Variants in CCDC180 observed in about 807,000 individuals in gnomAD.
The protein encoded by CCDC180 is coiled-coil domain-containing protein 180.
In CCDC180, 154 loss-of-function variants were observed where a neutral mutation model predicts 209.2. That is an observed-to-expected ratio of 0.74 (90% CI 0.65 to 0.84). CCDC180 has a LOEUF of 0.84. Ranked by LOEUF, CCDC180 falls within the 40% of genes least tolerant of loss-of-function variation. The pLI is 0.00. For synonymous variants in CCDC180, 778 were observed against 749.1 expected (o/e 1.04, Z -0.63); for missense variants, 1,874 against 1,997.3 (o/e 0.94, Z 1.18).
intron 18 of CCDC180, among the ~76,000 whole-genome samples, chr9:97,336,002 T>C (rs981280781): frequency 2.6e-5 from 4 of 152,258 alleles, no homozygotes; most frequent in African/African-American, 9.6e-5. Context: ...GTTCATATCC[T>C]TTGCCCACTT....
intron 2 of CCDC180, 102 bp from the exon 3 acceptor site, chr9:97,309,312 C>A: frequency 8.6e-7 from 1 of 1,168,494 alleles, no homozygotes; most frequent in Non-Finnish European, 1.2e-6. Flanking sequence ...TTCCTGGGGG[C>A]AGCTCTCTGG....
intron 26 of CCDC180, among the ~76,000 whole-genome samples, chr9:97,361,163 C>T (rs1266423384): frequency 6.6e-6 from 1 of 152,208 alleles, no homozygotes; most frequent in South Asian, 2.1e-4. Context: ...AAACAGAGAA[C>T]AGCCTAGGTG....
intron 25 of CCDC180, among the ~76,000 whole-genome samples, chr9:97,359,652 A>C (rs1448475494): frequency 6.6e-6 from 1 of 152,048 alleles, no homozygotes; most frequent in African/African-American, 2.4e-5. Flanking sequence ...ATCCTAGGGA[A>C]TATTTTGTGT....
intron 20 of CCDC180, among the ~76,000 whole-genome samples, chr9:97,347,976 T>A (rs1826317889): frequency 6.6e-6 from 1 of 152,200 alleles, no homozygotes; most frequent in South Asian, 2.1e-4. Flanking sequence ...TAAACCCTTT[T>A]AAAATGGTAT....
At chr9:97,315,225 C>G (rs1021153129) in intron 8 of CCDC180, among the ~76,000 whole-genome samples, 1 of 152,140 alleles carries the variant, frequency 6.6e-6, no homozygotes, top group African/African-American at 2.4e-5. Flanking sequence ...TCGTCTGGAG[C>G]GCTGATGATG....
rs78839610 is a variant in CCDC180 at position 97,349,786 on chromosome 9, G to A, written c.2855+495G>A. On this transcript the variant is annotated intron_variant, in intron 21 of 36. Coordinates refer to ENST00000529487, the MANE Select transcript of CCDC180 (RefSeq NM_020893.6). The stretch of plus-strand genomic sequence containing the variant: ...GATGGAGGCCTCAGGCAGGTCACAG[G>A]GAGGAGACTGGCAAGTGTCTACGCA... Among the ~76,000 whole-genome samples, 384 of 152,298 alleles carry A rather than the reference G, an allele frequency of 2.5e-3. 1 individual carries two copies. The highest frequency in any genetic ancestry group is 8.7e-3 in the African/African-American group (362 of 41,566).
chr9:97,327,030 G>A (rs1833555099), intron 15 of CCDC180, among the ~76,000 whole-genome samples: 1 of 152,190 alleles, frequency 6.6e-6, no homozygotes, highest in Non-Finnish European at 1.5e-5. Flanking sequence ...TTAGCCAGAT[G>A]TGGTGGCAGG....
chr9:97,332,073 T>C (rs1379401700), intron 18 of CCDC180, among the ~76,000 whole-genome samples: 2 of 152,218 alleles, frequency 1.3e-5, no homozygotes, highest in African/African-American at 4.8e-5. Context: ...TTGATTTTTG[T>C]ATGTGGTATA....
intron 35 of CCDC180, 39 bp downstream of exon 35, chr9:97,374,687 G>C (rs1384876057): frequency 2.0e-6 from 3 of 1,517,138 alleles, no homozygotes; most frequent in Admixed American, 3.4e-5. Flanking sequence ...GTAAATGGCT[G>C]TATCTGCTGG....
chr9:97,314,596 T>C (rs1281458237), intron 6 of CCDC180, 22 bp from the exon 7 acceptor site: 2 of 1,613,916 alleles, frequency 1.2e-6, no homozygotes, highest in Admixed American at 1.7e-5. Flanking sequence ...GCTCCTAGCC[T>C]GACCCAAACT....
chr9:97,334,093 C>T (rs190150116), intron 18 of CCDC180, among the ~76,000 whole-genome samples: 1 of 152,024 alleles, frequency 6.6e-6, no homozygotes, highest in Admixed American at 6.5e-5. Context: ...TTTTTGCATA[C>T]ATGTTCTTAT....
chr9:97,325,501 G>A (rs1030147624), intron 14 of CCDC180, among the ~76,000 whole-genome samples: 2 of 152,140 alleles, frequency 1.3e-5, no homozygotes, highest in Admixed American at 6.5e-5. Flanking sequence ...TTAAAGAGGG[G>A]GAGAATAACA....
chr9:97,375,714 A>G, intron 36 of CCDC180, 125 bp downstream of exon 36: 1 of 1,163,696 alleles, frequency 8.6e-7, no homozygotes. Flanking sequence ...ACATGTCAGC[A>G]CACCCCAGAG....
Position 97,371,584 on chromosome 9 carries a change from G to GT in CCDC180, c.4489-5dup. On this transcript the variant is annotated splice_polypyrimidine_tract_variant and intron_variant, in intron 33 of 36. Transcript: ENST00000529487. ...CTCCTAGCAGCACTGTGCTCACCAT[G>GT]TTTTTTCCAGGAATGTACCAGAAGG... 4 of 1,576,832 alleles carry GT rather than the reference G, an allele frequency of 2.5e-6. No homozygotes were observed. The highest frequency in any genetic ancestry group is 3.5e-6 in the Non-Finnish European group (4 of 1,148,762).
At chr9:97,352,748 G>A (rs1322090584) in intron 22 of CCDC180, among the ~76,000 whole-genome samples, 1 of 152,028 alleles carries the variant, frequency 6.6e-6, no homozygotes, top group Non-Finnish European at 1.5e-5. Flanking sequence ...ACTATAATTT[G>A]ACATGTTAAT....
At chr9:97,362,048 C>T in intron 27 of CCDC180, 148 bp from the exon 28 acceptor site, 1 of 1,371,624 alleles carries the variant, frequency 7.3e-7, no homozygotes, top group Non-Finnish European at 9.9e-7. Flanking sequence ...CTTCCCCACC[C>T]AGAGCCCCAG....
chr9:97,375,484 C>T lies in CCDC180; in HGVS notation c.4737C>T (p.Val1579=), dbSNP rs1368420752. 1.2e-5 allele frequency: 19 copies of T among 1,614,078 alleles called. No homozygotes were observed. Among genetic ancestry groups the T allele is most frequent in the Non-Finnish European group, 1.6e-5 (19 of 1,180,054 alleles). Reference sequence around the variant, plus strand: ...GGCCAGGGATCAAACCCACCGAAGTCACCATCCAAAACAAGATTCTTCTCC... The same window carrying T: ...GGCCAGGGATCAAACCCACCGAAGTTACCATCCAAAACAAGATTCTTCTCC... ...RKWPGIKPTE[V]TIQNKILLQP... is the part of the protein sequence containing the mutation. Residue 1579 remains valine, a synonymous_variant, in exon 36 of 37, where the codon GTC becomes GTT. Coordinates refer to ENST00000529487, the MANE Select transcript of CCDC180 (RefSeq NM_020893.6).
At chr9:97,371,395 G>T in intron 33 of CCDC180, 200 bp from the exon 34 acceptor site, 1 of 415,104 alleles carries the variant, frequency 2.4e-6, no homozygotes, top group Non-Finnish European at 4.3e-6. Flanking sequence ...GGCCGTTTCT[G>T]AATCATTTAT....
In CCDC180 at chr9:97,377,393, A is replaced by C. The variant is rs11794278; in HGVS notation, c.*499A>C. 0.052 allele frequency: 7,851 copies of C among 152,372 alleles called. 288 individuals are homozygous for C. The highest frequency in any genetic ancestry group is 0.085 in the Middle Eastern group (25 of 294). The allele number at this position is 152,372 out of a possible 1,614,324, so 9.4% of individuals were successfully genotyped here. A position where few individuals can be genotyped will look rare whatever the true frequency, so the allele number is the denominator to read the frequency against. On this transcript the variant is annotated 3_prime_UTR_variant, in exon 37 of 37. Transcript: ENST00000529487. The stretch of plus-strand genomic sequence containing the variant: ...AGCAAATTGCAATATTTTGGAAAAA[A>C]AAAAATCTTCCAGGCTCCTTTAGTC...
Sources: allele counts gnomAD v4.1 joint callset (sites outside exome capture counted in the v4.1 genomes callset), GRCh38; gene constraint gnomAD v4.1.1; transcripts MANE v1.5; gene names NCBI Gene and HGNC (gene_info 2026-07-23, HGNC 2026-07-21).